The following ANKRD30B variants were observed in gnomAD, a reference collection of about 807,000 sequenced individuals.
The protein encoded by ANKRD30B is ankyrin repeat domain-containing protein 30B.
In ANKRD30B, 144 loss-of-function variants were observed where a neutral mutation model predicts 202.2. The ratio of observed to expected loss-of-function variants is 0.71; its 90% CI spans 0.62 to 0.82. The LOEUF is 0.82. Among genes scored for constraint, ANKRD30B ranks in the 40% least tolerant of loss-of-function variants. ANKRD30B has a pLI of 0.00. For synonymous variants in ANKRD30B, 508 were observed against 561.3 expected, an observed-to-expected ratio of 0.91 and a Z score of 1.34; for missense variants, 1,487 against 1,669.1, an observed-to-expected ratio of 0.89 and a Z score of 1.90.
chr18:14,866,753 G>A, the ANKRD30B span, among the ~76,000 whole-genome samples: 16 of 152,068 alleles, frequency 1.1e-4, no homozygotes, highest in African/African-American at 3.1e-4. Flanking sequence ...TGGCGCTATC[G>A]GGCGTTGAAT....
At chr18:14,935,478 A>C in the ANKRD30B span, among the ~76,000 whole-genome samples, 7 of 152,296 alleles carry the variant, frequency 4.6e-5, no homozygotes, top group South Asian at 1.2e-3. Flanking sequence ...GTCATACTCC[A>C]AGCTCCTTCC....
At chr18:14,876,109 G>A in the ANKRD30B span, among the ~76,000 whole-genome samples, 1 of 151,874 alleles carries the variant, frequency 6.6e-6, no homozygotes, top group Non-Finnish European at 1.5e-5. Context: ...AAGGAACAGG[G>A]CATGGCTCTG....
chr18:14,862,650 G>A, the ANKRD30B span, among the ~76,000 whole-genome samples: 4 of 152,200 alleles, frequency 2.6e-5, no homozygotes, highest in Non-Finnish European at 4.4e-5. Flanking sequence ...ACCTACAGGA[G>A]CTGTGGGAAT....
In ANKRD30B at chr18:14,851,848, G is replaced by A. The variant is rs775427167; in HGVS notation, c.3904G>A (p.Ala1302Thr). The A allele has an allele frequency of 1.6e-4, 253 of 1,589,414 alleles. No homozygotes were observed. The highest frequency in any genetic ancestry group is 2.1e-4 in the Non-Finnish European group (248 of 1,167,696). Reference sequence around the variant, plus strand: ...AATTGAATCACACCATCCTAGACTGGCTTCTGCTTTACAAGACCATGATCA... The same window carrying A: ...AATTGAATCACACCATCCTAGACTGACTTCTGCTTTACAAGACCATGATCA... Reference protein sequence around the residue: ...TEIESHHPRLASALQDHDQSV... With the variant: ...TEIESHHPRLTSALQDHDQSV... The change falls in exon 42 of 44, where the codon GCT (alanine) becomes ACT (threonine). Residue 1302 changes from alanine to threonine, a missense_variant. Physicochemically the swap from Ala to Thr is moderately conservative, Grantham distance 58 (BLOSUM62 0). Around this residue, in one of 6 missense-constraint regions of ANKRD30B, gnomAD observed 21 missense variants for 57.2 expected, o/e 0.37. Transcript: ENST00000690538.
At position 14,752,737 on chromosome 18, in the gene ANKRD30B, A is replaced by G. The variant is rs988122916; in HGVS notation, c.336+57A>G. 2.6e-6 allele frequency: 4 copies of G among 1,541,312 alleles called. No homozygotes were observed. The African/African-American group carries it at 5.5e-5, about 21-fold the overall frequency. ...TGGATTTGGTTTAAATACATAGAAT[A>G]AAAATGAATTTAGTTGAAATACAAC... is the stretch of plus-strand genomic sequence containing the variant. On this transcript the variant is annotated intron_variant, in intron 2 of 43. Coordinates refer to ENST00000690538, the MANE Select transcript of ANKRD30B (RefSeq NM_001367607.2).
chr18:14,926,382 T>G, the ANKRD30B span, among the ~76,000 whole-genome samples: 3 of 152,034 alleles, frequency 2.0e-5, no homozygotes, highest in African/African-American at 7.2e-5. Context: ...CAGCCTGGGA[T>G]TTGCCCACTC....
At chr18:14,861,667 A>G in the ANKRD30B span, among the ~76,000 whole-genome samples, 1 of 151,184 alleles carries the variant, frequency 6.6e-6, no homozygotes, top group African/African-American at 2.4e-5. Flanking sequence ...CAGCTGTACA[A>G]TAATCATGGA....
the ANKRD30B span, among the ~76,000 whole-genome samples, chr18:14,879,431 A>C: frequency 2.0e-5 from 3 of 152,162 alleles, no homozygotes; most frequent in Non-Finnish European, 4.4e-5. Flanking sequence ...GCACTGCCTC[A>C]ATACAAAAAT....
intron 4 of ANKRD30B, among the ~76,000 whole-genome samples, chr18:14,755,352 T>C (rs902329695): frequency 6.6e-6 from 1 of 152,096 alleles, no homozygotes; most frequent in Admixed American, 6.6e-5. Flanking sequence ...TTAACAGTTT[T>C]ATAGTATTTT....
chr18:14,759,539 G>A (rs1268874208), intron 5 of ANKRD30B, among the ~76,000 whole-genome samples: 1 of 152,150 alleles, frequency 6.6e-6, no homozygotes, highest in Non-Finnish European at 1.5e-5. Flanking sequence ...AATAAAGGTA[G>A]GGTTTTGTGT....
At chr18:14,792,611 T>A (rs904856416) in intron 16 of ANKRD30B, among the ~76,000 whole-genome samples, 3 of 151,900 alleles carry the variant, frequency 2.0e-5, no homozygotes, top group African/African-American at 7.2e-5. Context: ...ATTTAGAATA[T>A]TTTCACTGCA....
At chr18:14,872,690 T>G in the ANKRD30B span, among the ~76,000 whole-genome samples, 1 of 152,222 alleles carries the variant, frequency 6.6e-6, no homozygotes, top group South Asian at 2.1e-4. Context: ...ACAGGTGACC[T>G]ATTTTTCTTA....
At chr18:14,805,236 A>T (rs1452952558) in intron 24 of ANKRD30B, among the ~76,000 whole-genome samples, 8 of 151,012 alleles carry the variant, frequency 5.3e-5, no homozygotes, top group Admixed American at 3.3e-4. Flanking sequence ...TAATTTTAAA[A>T]ACCATAATTC....
chr18:14,772,647 T>C (rs1337372820), intron 9 of ANKRD30B, among the ~76,000 whole-genome samples: 1 of 151,724 alleles, frequency 6.6e-6, no homozygotes, highest in Non-Finnish European at 1.5e-5. Flanking sequence ...TTTCTTATTA[T>C]AGTAATCAAG....
intron 15 of ANKRD30B, 99 bp from the exon 16 acceptor site, chr18:14,791,302 A>T: frequency 1.0e-6 from 1 of 987,680 alleles, no homozygotes; most frequent in East Asian, 2.6e-5. Flanking sequence ...GCAAACTAGG[A>T]AATTGTGTTT....
chr18:14,878,187 A>T, the ANKRD30B span, among the ~76,000 whole-genome samples: 252 of 152,180 alleles, frequency 1.7e-3, 2 homozygotes, highest in African/African-American at 5.6e-3. Context: ...TTTAAAATGC[A>T]CTCAGTGGAT....
chr18:14,808,534 T>C lies in ANKRD30B; in HGVS notation c.2285-17T>C, dbSNP rs1236509801. On this transcript the variant is annotated splice_polypyrimidine_tract_variant and intron_variant, in intron 24 of 43. Coordinates refer to ENST00000690538, the MANE Select transcript of ANKRD30B (RefSeq NM_001367607.2). ...AGGCTTGCATATAATCAATTATATA[T>C]GTCCCTTTTCTTTTAGAGTCTCCTG... The C allele has an allele frequency of 2.1e-6, 3 of 1,442,044 alleles. No homozygotes were observed. Among genetic ancestry groups the C allele is most frequent in the Admixed American group, 1.7e-5 (1 of 58,922 alleles). The allele number at this position is 1,442,044 out of a possible 1,614,324, so 89.3% of individuals were successfully genotyped here. A position where few individuals can be genotyped will look rare whatever the true frequency, so the allele number is the denominator to read the frequency against.
chr18:14,766,522 A>AGAAAAGAAAAGAAAAGAAAC, intron 7 of ANKRD30B, among the ~76,000 whole-genome samples: 1 of 150,802 alleles, frequency 6.6e-6, no homozygotes, highest in Non-Finnish European at 1.5e-5. Context: ...AGAAAAGAAA[A>AGAAAAGAAAAGAAAAGAAAC]TTGTCAGGTC....
At chr18:14,772,011 T>G in intron 8 of ANKRD30B, 145 bp from the exon 9 acceptor site, 2 of 421,178 alleles carry the variant, frequency 4.7e-6, no homozygotes, top group Non-Finnish European at 8.4e-6. Context: ...CCAAGAAACA[T>G]GATATAATAT....
Sources: allele counts gnomAD v4.1 joint callset (sites outside exome capture counted in the v4.1 genomes callset), GRCh38; gene constraint gnomAD v4.1.1; regional missense constraint gnomAD v4.1.1; transcripts MANE v1.5; gene names NCBI Gene and HGNC (gene_info 2026-07-23, HGNC 2026-07-21).